Variants in LIMCH1 observed in about 807,000 individuals in gnomAD.
The protein encoded by LIMCH1 is LIM and calponin homology domains-containing protein 1.
A neutral mutation model predicts 176.5 loss-of-function variants in LIMCH1; 113 were observed. The ratio of observed to expected loss-of-function variants is 0.64; its 90% CI spans 0.55 to 0.75. The LOEUF is 0.75. Ranked by LOEUF, LIMCH1 falls within the 30% of genes least tolerant of loss-of-function variation. LIMCH1 has a pLI of 0.00. For missense variants in LIMCH1, 1,674 were observed against 1,814.9 expected (o/e 0.92, Z 1.41); for synonymous variants, 619 against 645.9 (o/e 0.96, Z 0.63).
intron 1 of LIMCH1, among the ~76,000 whole-genome samples, chr4:41,555,717 G>C (rs1011597243): frequency 1.3e-5 from 2 of 152,056 alleles, no homozygotes; most frequent in Non-Finnish European, 2.9e-5. Context: ...AGGGTGTAAA[G>C]TGCTGAGGTG....
At chr4:41,612,647 T>G (rs1386545607) in intron 4 of LIMCH1, 4 of 702,486 alleles carry the variant, frequency 5.7e-6, no homozygotes, top group South Asian at 1.5e-5. Flanking sequence ...GGAGTTTCAG[T>G]GTTTTAGTAT....
At chr4:41,602,701 G>A (rs149154002) in intron 2 of LIMCH1, among the ~76,000 whole-genome samples, 195 of 151,882 alleles carry the variant, frequency 1.3e-3, no homozygotes, top group African/African-American at 3.8e-3. Context: ...CCAGCTATTC[G>A]GGAGGCTGAG....
chr4:41,515,031 G>T (rs2075403478), intron 2 of LIMCH1, among the ~76,000 whole-genome samples: 1 of 152,200 alleles, frequency 6.6e-6, no homozygotes, highest in African/African-American at 2.4e-5. Flanking sequence ...ATGACAAGAT[G>T]TGGAATGAAT....
At chr4:41,573,454 A>G (rs970150472) in intron 1 of LIMCH1, among the ~76,000 whole-genome samples, 4 of 152,172 alleles carry the variant, frequency 2.6e-5, no homozygotes, top group African/African-American at 9.7e-5. Flanking sequence ...TATGTATGTA[A>G]ATGACATGGT....
chr4:41,407,757 C>T (rs894083276), intron 1 of LIMCH1, among the ~76,000 whole-genome samples: 6 of 152,292 alleles, frequency 3.9e-5, no homozygotes, highest in East Asian at 1.9e-4. Context: ...TAGTATCCCA[C>T]GTTGAGGCTT....
Position 41,632,738 on chromosome 4 carries a change from A to G in LIMCH1, c.1602-11A>G. 1 of 1,533,776 alleles carries G rather than the reference A, an allele frequency of 6.5e-7. No individual in the cohort carries two copies. Among genetic ancestry groups the G allele is most frequent in the Non-Finnish European group, 8.7e-7 (1 of 1,144,762 alleles). Reference sequence around the variant, plus strand: ...CCTCTCTTGCCACCAATGCTACTTGATCGTCTGCAGAACAATGAATTGTGG... The same window carrying G: ...CCTCTCTTGCCACCAATGCTACTTGGTCGTCTGCAGAACAATGAATTGTGG... On this transcript the variant is annotated splice_polypyrimidine_tract_variant and intron_variant, in intron 10 of 31. Coordinates refer to ENST00000503057, the MANE Select transcript of LIMCH1 (RefSeq NM_001330672.2).
intron 1 of LIMCH1, among the ~76,000 whole-genome samples, chr4:41,493,214 A>G (rs908680164): frequency 6.6e-6 from 1 of 152,088 alleles, no homozygotes; most frequent in Non-Finnish European, 1.5e-5. Flanking sequence ...GTCAGGTTTA[A>G]GTCTATAATA....
intron 1 of LIMCH1, among the ~76,000 whole-genome samples, chr4:41,489,470 A>G (rs1583011245): frequency 6.6e-6 from 1 of 151,990 alleles, no homozygotes; most frequent in African/African-American, 2.4e-5. Context: ...GTCTTTCCAT[A>G]CATTTTGATA....
At chr4:41,374,534 CTGTG>C (rs1488459043) in intron 1 of LIMCH1, among the ~76,000 whole-genome samples, 1 of 151,136 alleles carries the variant, frequency 6.6e-6, no homozygotes, top group East Asian at 1.9e-4. Context: ...ATTTTAAACT[CTGTG>C]TGTGTGTTTA....
At chr4:41,443,731 T>A (rs2062960874) in intron 1 of LIMCH1, among the ~76,000 whole-genome samples, 1 of 152,188 alleles carries the variant, frequency 6.6e-6, no homozygotes, top group Non-Finnish European at 1.5e-5. Context: ...AATGGAATGT[T>A]CTCAGTTAAC....
chr4:41,525,701 T>C (rs73233714), intron 3 of LIMCH1, among the ~76,000 whole-genome samples: 3,579 of 152,182 alleles, frequency 0.024, 62 homozygotes, highest in South Asian at 0.045. Context: ...GGAAGGAATA[T>C]ATTTGAATAG....
intron 2 of LIMCH1, among the ~76,000 whole-genome samples, chr4:41,502,691 T>C (rs1313141314): frequency 2.6e-5 from 4 of 152,206 alleles, no homozygotes; most frequent in Admixed American, 2.6e-4. Context: ...TGGTATAGAA[T>C]TCTTTTTTCA....
intron 1 of LIMCH1, among the ~76,000 whole-genome samples, chr4:41,403,469 T>C (rs1227859601): frequency 6.6e-6 from 1 of 151,992 alleles, no homozygotes; most frequent in Non-Finnish European, 1.5e-5. Flanking sequence ...TAATCCCAGC[T>C]ATTCGGGAGG....
At position 41,626,794 on chromosome 4, in the gene LIMCH1, A is replaced by G. The variant is rs1311758153; in HGVS notation, c.812A>G (p.Asn271Ser). Residue 271 changes from asparagine (N) to serine (S), a missense_variant, in exon 8 of 32, where the codon AAC becomes AGC. Asn to Ser is a conservative substitution (Grantham distance 46). This residue lies in a region of LIMCH1 where 655 missense variants were observed against 692.2 expected (regional missense o/e 0.95). Coordinates refer to ENST00000503057, the MANE Select transcript of LIMCH1 (RefSeq NM_001330672.2). ...ENSFLTHQHGNDSEAEGEVVC... is the reference protein window; with the variant it reads ...ENSFLTHQHGSDSEAEGEVVC... ...TCTTTCCTGACCCACCAACATGGCA[A>G]CGATTCAGAGGCAGAAGGTGAAGTT... 16 of 1,536,298 alleles carry G rather than the reference A, an allele frequency of 1.0e-5. No individual in the cohort carries two copies. Among genetic ancestry groups the G allele is most frequent in the Non-Finnish European group, 1.3e-5 (15 of 1,146,976 alleles).
intron 21 of LIMCH1, among the ~76,000 whole-genome samples, chr4:41,669,481 T>G (rs900040677): frequency 6.6e-6 from 1 of 152,180 alleles, no homozygotes; most frequent in Non-Finnish European, 1.5e-5. Flanking sequence ...CCTGTAGGGC[T>G]TGGAGCCCAC....
At chr4:41,471,221 A>T (rs762964589) in intron 1 of LIMCH1, among the ~76,000 whole-genome samples, 1 of 152,164 alleles carries the variant, frequency 6.6e-6, no homozygotes, top group South Asian at 2.1e-4. Flanking sequence ...CTAACAAGAA[A>T]ATATTTTTGT....
chr4:41,583,613 G>A (rs997658610), intron 1 of LIMCH1, among the ~76,000 whole-genome samples: 11 of 151,962 alleles, frequency 7.2e-5, no homozygotes, highest in Admixed American at 7.2e-4. Context: ...TGATTACAAC[G>A]TTGAGAATCT....
intron 1 of LIMCH1, among the ~76,000 whole-genome samples, chr4:41,434,140 A>T (rs2154137694): frequency 6.6e-6 from 1 of 152,320 alleles, no homozygotes; most frequent in East Asian, 1.9e-4. Flanking sequence ...TGGCAGAAGG[A>T]GCCAGATGTT....
intron 15 of LIMCH1, among the ~76,000 whole-genome samples, chr4:41,645,622 G>A (rs755227237): frequency 4.6e-5 from 7 of 152,184 alleles, no homozygotes; most frequent in Non-Finnish European, 8.8e-5. Flanking sequence ...TAGGATTGTG[G>A]TGAGGTTGTT....
Sources: allele counts gnomAD v4.1 joint callset (sites outside exome capture counted in the v4.1 genomes callset), GRCh38; gene constraint gnomAD v4.1.1; regional missense constraint gnomAD v4.1.1; transcripts MANE v1.5; gene names NCBI Gene and HGNC (gene_info 2026-07-23, HGNC 2026-07-21).